The following PLA2G5 variants were observed in gnomAD, a reference collection of about 807,000 sequenced individuals.
PLA2G5 encodes the protein phospholipase A2 group V, also known as Ca2+-dependent phospholipase A2.
A neutral mutation model predicts 15.9 loss-of-function variants in PLA2G5; 12 were observed. The observed-to-expected ratio is 0.76, with a 90% CI of 0.48 to 1.23. The LOEUF is 1.23. Ranked by LOEUF, PLA2G5 falls within the 50% of genes most tolerant of loss-of-function variation. PLA2G5 has a pLI of 0.00. For missense variants in PLA2G5, 169 were observed against 177.1 expected, an observed-to-expected ratio of 0.95 and a Z score of 0.26; for synonymous variants, 71 against 71.4, an observed-to-expected ratio of 0.99 and a Z score of 0.03.
chr1:20,032,447 G>T (rs2013011375), intron 1 of PLA2G5, among the ~76,000 whole-genome samples: 1 of 152,018 alleles, frequency 6.6e-6, no homozygotes, highest in African/African-American at 2.4e-5. Flanking sequence ...TTTACAGGGG[G>T]TCATGTGAGT....
At chr1:20,086,322 A>C in intron 3 of PLA2G5, 95 bp downstream of exon 3, 1 of 1,342,500 alleles carries the variant, frequency 7.4e-7, no homozygotes, top group South Asian at 1.3e-5. Flanking sequence ...TGAGTATTAA[A>C]GTACCATTTT....
chr1:20,070,181 C>A (rs668630), upstream of PLA2G5: 93,295 of 984,572 alleles, frequency 0.095, 5,938 homozygotes, highest in African/African-American at 0.31. Flanking sequence ...GGACTTCCTG[C>A]CTCTGCAAAG....
intron 2 of PLA2G5, among the ~76,000 whole-genome samples, chr1:20,059,890 G>A (rs1324891109): frequency 6.6e-6 from 1 of 152,160 alleles, no homozygotes; most frequent in African/African-American, 2.4e-5. Flanking sequence ...CCTTGTTGTG[G>A]TAGAAGCAGC....
At position 20,074,926 on chromosome 1, in the gene PLA2G5, C is replaced by G. The variant is rs554870106; in HGVS notation, c.-11+4461C>G. 3.9e-5 allele frequency among the ~76,000 whole-genome samples: 6 copies of G among 152,344 alleles called. No homozygotes were observed. The East Asian group carries it at 1.2e-3, about 29-fold the overall frequency. On this transcript the variant is annotated intron_variant, in intron 1 of 4. Transcript: ENST00000375108. Reference sequence around the variant, plus strand: ...CAAGTCAGCCCCAATTCCCTCCCTTCTGTCTCCTGTGATCCAGACACCTCC... The same window carrying G: ...CAAGTCAGCCCCAATTCCCTCCCTTGTGTCTCCTGTGATCCAGACACCTCC...
chr1:20,031,028 G>A (rs1235509518), intron 1 of PLA2G5, among the ~76,000 whole-genome samples: 2 of 152,154 alleles, frequency 1.3e-5, no homozygotes, highest in African/African-American at 4.8e-5. Flanking sequence ...TGTTAGTAAG[G>A]GTATCCCCTG....
intron 1 of PLA2G5, among the ~76,000 whole-genome samples, chr1:20,043,041 T>C (rs2013702438): frequency 6.6e-6 from 1 of 151,924 alleles, no homozygotes; most frequent in Admixed American, 6.6e-5. Flanking sequence ...TGGGGGCTGT[T>C]CCTGAAGCCT....
chr1:20,028,419 G>A (rs1466315535), upstream of PLA2G5: 2 of 152,278 alleles, frequency 1.3e-5, no homozygotes, highest in East Asian at 1.9e-4. Context: ...CTTTAAGCAC[G>A]GTCTGTGAAA....
At chr1:20,061,850 G>A (rs1040105844) in intron 2 of PLA2G5, among the ~76,000 whole-genome samples, 1 of 152,198 alleles carries the variant, frequency 6.6e-6, no homozygotes, top group Non-Finnish European at 1.5e-5. Flanking sequence ...AAGCCTGGGG[G>A]TCTCTAAGGA....
chr1:20,053,578 G>A lies in PLA2G5; in HGVS notation n.277-6054G>A, dbSNP rs550651243. Among the ~76,000 whole-genome samples the A allele has an allele frequency of 9.9e-5, 14 of 142,060 alleles. No individual in the cohort carries two copies. In the East Asian group the frequency reaches 2.0e-3, roughly 20 times the overall value. 93.2% of individuals were successfully genotyped at this position (142,060 alleles called of 152,430 possible). On this transcript the variant is annotated intron_variant and non_coding_transcript_variant, in intron 1 of 6. Coordinates refer to the PLA2G5 transcript ENST00000460175. ...AATTATGTATTACTTTGCGGGGGGGGGGGTGATATGCAAAACTTTCCCTTG... is the reference window on the plus strand; with the variant it reads ...AATTATGTATTACTTTGCGGGGGGGAGGGTGATATGCAAAACTTTCCCTTG...
At chr1:20,039,571 T>C (rs1029978113) in intron 1 of PLA2G5, among the ~76,000 whole-genome samples, 2 of 152,188 alleles carry the variant, frequency 1.3e-5, no homozygotes, top group Non-Finnish European at 2.9e-5. Context: ...ACACCAACTC[T>C]CCTTATTGCA....
At chr1:20,071,449 A>T (rs2100536586) in intron 1 of PLA2G5, among the ~76,000 whole-genome samples, 1 of 152,196 alleles carries the variant, frequency 6.6e-6, no homozygotes, top group South Asian at 2.1e-4. Context: ...AGCACTGGAG[A>T]TGTCAAAGTA....
At chr1:20,073,872 A>G (rs2015521870) in intron 1 of PLA2G5, among the ~76,000 whole-genome samples, 1 of 152,160 alleles carries the variant, frequency 6.6e-6, no homozygotes, top group Non-Finnish European at 1.5e-5. Flanking sequence ...TCCATCCAAA[A>G]AAAAAAGAAG....
rs566544725 is a variant in PLA2G5, at chr1:20,047,754, G to C, written n.277-11878G>C. ...TGTGTGTGTGTGTGTGTGTGTGTGTGTGTATGTGTATATATTTAAAAGGCA... is the reference window on the plus strand; with the variant it reads ...TGTGTGTGTGTGTGTGTGTGTGTGTCTGTATGTGTATATATTTAAAAGGCA... On this transcript the variant is annotated intron_variant and non_coding_transcript_variant, in intron 1 of 6. Transcript: ENST00000460175. Among the ~76,000 whole-genome samples, 618 of 139,832 alleles carry C rather than the reference G, an allele frequency of 4.4e-3. 11 individuals carry two copies. The highest frequency in any genetic ancestry group is 0.016 in the African/African-American group (578 of 35,374). The allele number at this position is 139,832 out of a possible 152,430, so 91.7% of individuals were successfully genotyped here.
At chr1:20,061,545 C>T (rs1406518948) in intron 2 of PLA2G5, among the ~76,000 whole-genome samples, 1 of 146,192 alleles carries the variant, frequency 6.8e-6, no homozygotes, top group Non-Finnish European at 1.5e-5. Context: ...GTGATTGCAC[C>T]ACTGCACTCC....
intron 3 of PLA2G5, among the ~76,000 whole-genome samples, chr1:20,087,501 C>G (rs1333211964): frequency 6.6e-6 from 1 of 151,986 alleles, no homozygotes; most frequent in African/African-American, 2.4e-5. Flanking sequence ...TCATGCCGTT[C>G]TCCTGCCTCA....
At chr1:20,038,174 T>A (rs2013377613) in intron 1 of PLA2G5, among the ~76,000 whole-genome samples, 1 of 152,046 alleles carries the variant, frequency 6.6e-6, no homozygotes, top group South Asian at 2.1e-4. Flanking sequence ...GTTACAAGCC[T>A]CCCTGTTGAG....
intron 2 of PLA2G5, among the ~76,000 whole-genome samples, chr1:20,061,614 A>G (rs548940970): frequency 6.7e-6 from 1 of 149,374 alleles, no homozygotes; most frequent in Non-Finnish European, 1.5e-5. Context: ...AAAAAAATCT[A>G]AGCACTATTA....
intron 2 of PLA2G5, chr1:20,063,593 G>A (rs527405720): frequency 6.6e-6 from 1 of 152,380 alleles, no homozygotes; most frequent in South Asian, 2.1e-4. Context: ...CCAAAGGCAG[G>A]ATGAGCATGG....
At chr1:20,081,412 T>C (rs552079567) in intron 1 of PLA2G5, among the ~76,000 whole-genome samples, 1 of 85,430 alleles carries the variant, frequency 1.2e-5, no homozygotes, top group East Asian at 2.0e-4. Flanking sequence ...ATTGAAAAGA[T>C]AGCTTGTTAT....
Sources: allele counts gnomAD v4.1 joint callset (sites outside exome capture counted in the v4.1 genomes callset), GRCh38; gene constraint gnomAD v4.1.1; transcripts MANE v1.5; gene names NCBI Gene and HGNC (gene_info 2026-07-23, HGNC 2026-07-21).